TYW1B: variants seen among roughly 807,000 people sequenced by gnomAD.
TYW1B encodes the protein tRNA-yW synthesizing protein 1 homolog B.
In TYW1B, 73 loss-of-function variants were observed where a neutral mutation model predicts 86.9. That is an observed-to-expected ratio of 0.84 (90% CI 0.70 to 1.02). TYW1B has a LOEUF of 1.02. Among genes scored for constraint, TYW1B ranks in the 50% least tolerant of loss-of-function variants. The probability of loss-of-function intolerance (pLI) is 0.00; values close to 1 mark genes in which losing one functional copy is unlikely to be tolerated. For missense variants in TYW1B, 637 were observed against 827.4 expected (o/e 0.77, Z 2.82); for synonymous variants, 248 against 292.8 (o/e 0.85, Z 1.56).
intron 6 of TYW1B, among the ~76,000 whole-genome samples, chr7:72,794,195 A>G (rs1554474087): frequency 1.8e-4 from 28 of 152,126 alleles, no homozygotes; most frequent in Non-Finnish European, 2.9e-5. Context: ...TAGAGCAGAG[A>G]GCAGGTGACA....
chr7:72,813,171 CTTT>C (rs782128548), intron 3 of TYW1B, among the ~76,000 whole-genome samples: 9 of 123,766 alleles, frequency 7.3e-5, no homozygotes, highest in South Asian at 2.6e-4. Context: ...CATACTTCTT[CTTT>C]TTTTTTTTTT....
chr7:72,693,775 A>G (rs1814234835), intron 11 of TYW1B, among the ~76,000 whole-genome samples: 1 of 152,068 alleles, frequency 6.6e-6, no homozygotes. Context: ...TCAACCAACC[A>G]TGGATGAAAA....
intron 5 of TYW1B, among the ~76,000 whole-genome samples, chr7:72,804,305 A>C (rs1478842679): frequency 6.6e-6 from 1 of 151,854 alleles, no homozygotes; most frequent in Non-Finnish European, 1.5e-5. Context: ...AAAAAGAAAA[A>C]AATTAAATTA....
intron 8 of TYW1B, among the ~76,000 whole-genome samples, chr7:72,742,386 TC>T (rs1554462664): frequency 6.6e-6 from 1 of 152,196 alleles, no homozygotes; most frequent in African/African-American, 2.4e-5. Flanking sequence ...CACCCTGGCG[TC>T]CCAAGGTGCT....
intron 10 of TYW1B, among the ~76,000 whole-genome samples, chr7:72,712,273 C>A (rs1484536603): frequency 6.6e-6 from 1 of 152,154 alleles, no homozygotes; most frequent in Non-Finnish European, 1.5e-5. Flanking sequence ...TCCTCTTCTC[C>A]GCTAGCCTCT....
intron 11 of TYW1B, among the ~76,000 whole-genome samples, chr7:72,670,057 G>A (rs1813560581): frequency 6.6e-6 from 1 of 152,096 alleles, no homozygotes; most frequent in Non-Finnish European, 1.5e-5. Flanking sequence ...TTTGAGCCCA[G>A]GGGTTCAAGG....
At chr7:72,648,932 A>G (rs1358185742) in intron 11 of TYW1B, among the ~76,000 whole-genome samples, 5 of 152,190 alleles carry the variant, frequency 3.3e-5, no homozygotes, top group Non-Finnish European at 5.9e-5. Context: ...GTAATGGCAG[A>G]AATAAAATTC....
At chr7:72,822,135 C>G (rs1788838765) in intron 2 of TYW1B, among the ~76,000 whole-genome samples, 1 of 140,590 alleles carries the variant, frequency 7.1e-6, no homozygotes, top group South Asian at 2.2e-4. Context: ...TGCACTCCAG[C>G]CTGGGTGACA....
At chr7:72,695,428 A>C (rs558349737) in intron 10 of TYW1B, among the ~76,000 whole-genome samples, 2 of 152,288 alleles carry the variant, frequency 1.3e-5, no homozygotes, top group South Asian at 4.1e-4. Context: ...TCATACTTAC[A>C]CAGGAGCACA....
chr7:72,726,763 A>G (rs1787005271), intron 9 of TYW1B, among the ~76,000 whole-genome samples: 1 of 152,136 alleles, frequency 6.6e-6, no homozygotes, highest in Non-Finnish European at 1.5e-5. Flanking sequence ...GTATGAGCCC[A>G]TTTTCATACT....
At chr7:72,737,212 C>T (rs1787211438) in intron 8 of TYW1B, among the ~76,000 whole-genome samples, 1 of 152,170 alleles carries the variant, frequency 6.6e-6, no homozygotes, top group Non-Finnish European at 1.5e-5. Flanking sequence ...ACATTTAAAT[C>T]AATTTTCAAT....
intron 2 of TYW1B, among the ~76,000 whole-genome samples, chr7:72,816,655 AC>A (rs1788728923): frequency 6.6e-6 from 1 of 152,076 alleles, no homozygotes; most frequent in Admixed American, 6.6e-5. Context: ...AGCACCTCCT[AC>A]CCCAGCCCCA....
intron 6 of TYW1B, among the ~76,000 whole-genome samples, chr7:72,795,057 T>C (rs1210084809): frequency 1.3e-5 from 2 of 151,908 alleles, no homozygotes; most frequent in Admixed American, 1.3e-4. Context: ...TGAGTTTAAG[T>C]GATCCATCCA....
intron 2 of TYW1B, among the ~76,000 whole-genome samples, chr7:72,819,594 G>A (rs1427845315): frequency 6.6e-6 from 1 of 152,090 alleles, no homozygotes; most frequent in Non-Finnish European, 1.5e-5. Context: ...CACCATGCCT[G>A]ACTAATTTTT....
intron 13 of TYW1B, among the ~76,000 whole-genome samples, chr7:72,577,959 A>G (rs1419237260): frequency 6.6e-6 from 1 of 151,934 alleles, no homozygotes; most frequent in African/African-American, 2.4e-5. Flanking sequence ...TGGCCACAGG[A>G]CCTCACTGTC....
intron 11 of TYW1B, among the ~76,000 whole-genome samples, chr7:72,653,364 T>C (rs1250886492): frequency 2.0e-5 from 3 of 152,136 alleles, no homozygotes; most frequent in Admixed American, 2.0e-4. Flanking sequence ...CCCAGCACTT[T>C]GGGAGGCCGA....
chr7:72,601,269 T>G (rs1280229195), intron 13 of TYW1B, among the ~76,000 whole-genome samples: 1 of 152,016 alleles, frequency 6.6e-6, no homozygotes. Flanking sequence ...CTCATCATTA[T>G]TTGTCATCAG....
At chr7:72,773,510 A>G (rs566929893) in intron 7 of TYW1B, among the ~76,000 whole-genome samples, 74 of 152,316 alleles carry the variant, frequency 4.9e-4, no homozygotes, top group Non-Finnish European at 7.6e-4. Context: ...AGCGAAGCCC[A>G]GTGGACTCTT....
intron 13 of TYW1B, among the ~76,000 whole-genome samples, chr7:72,606,048 C>T (rs1315577434): frequency 2.0e-5 from 3 of 152,080 alleles, no homozygotes; most frequent in Non-Finnish European, 4.4e-5. Context: ...AAAAGATTCT[C>T]AAAGGTAGAG....
Sources: allele counts gnomAD v4.1 joint callset (sites outside exome capture counted in the v4.1 genomes callset), GRCh38; gene constraint gnomAD v4.1.1; transcripts MANE v1.5; gene names NCBI Gene and HGNC (gene_info 2026-07-23, HGNC 2026-07-21).